The following ABHD2 variants were observed in gnomAD, a reference collection of about 807,000 sequenced individuals.
The protein encoded by ABHD2 is abhydrolase domain containing 2, acylglycerol lipase.
ABHD2 carries 20 observed loss-of-function variants against 48.1 expected under a neutral mutation model. That is an observed-to-expected ratio of 0.42 (90% confidence interval 0.29 to 0.60). The LOEUF (loss-of-function observed/expected upper bound fraction) is 0.60. Ranked by LOEUF, ABHD2 falls within the 20% of genes least tolerant of loss-of-function variation. ABHD2 has a pLI of 0.24. For synonymous variants in ABHD2, 209 were observed against 214.2 expected, an observed-to-expected ratio of 0.98 and a Z score of 0.21; for missense variants, 405 against 550.9, an observed-to-expected ratio of 0.74 and a Z score of 2.65.
At chr15:89,049,278 A>C in the ABHD2 span, among the ~76,000 whole-genome samples, 4 of 152,300 alleles carry the variant, frequency 2.6e-5, no homozygotes, top group Non-Finnish European at 5.9e-5. Context: ...TGGGAGAACC[A>C]CTGCTCTCTT....
the ABHD2 span, among the ~76,000 whole-genome samples, chr15:89,064,206 A>G: frequency 7.0e-6 from 1 of 143,168 alleles, no homozygotes; most frequent in South Asian, 2.2e-4. Flanking sequence ...GTATTTATAT[A>G]TAACATTGTG....
At chr15:89,170,713 A>G (rs2050911830) in intron 5 of ABHD2, among the ~76,000 whole-genome samples, 1 of 152,242 alleles carries the variant, frequency 6.6e-6, no homozygotes, top group Non-Finnish European at 1.5e-5. Flanking sequence ...GGGTATTGGC[A>G]AACTTCATCT....
chr15:89,129,631 G>C (rs530111904), intron 3 of ABHD2, among the ~76,000 whole-genome samples: 2 of 152,194 alleles, frequency 1.3e-5, no homozygotes, highest in Admixed American at 6.5e-5. Flanking sequence ...GCGAGCTGTT[G>C]CCCCCCGGGA....
intron 5 of ABHD2, among the ~76,000 whole-genome samples, chr15:89,161,654 G>C (rs1031604702): frequency 2.0e-5 from 3 of 152,138 alleles, no homozygotes. Flanking sequence ...GCCCACCTCG[G>C]CCTCCCAAAG....
chr15:89,083,587 T>C (rs537745337), upstream of ABHD2, among the ~76,000 whole-genome samples: 25 of 152,322 alleles, frequency 1.6e-4, no homozygotes, highest in African/African-American at 5.3e-4. This position sits in a 1 kb window ranked among gnomAD's most constrained non-coding sequence, Gnocchi z 5.1. Flanking sequence ...ATCAACCAAA[T>C]TGGGACTATT....
chr15:89,089,085 C>T (rs765328326), intron 1 of ABHD2, among the ~76,000 whole-genome samples: 18 of 152,262 alleles, frequency 1.2e-4, no homozygotes, highest in Non-Finnish European at 2.5e-4. Context: ...CCGAGTTCGG[C>T]CCCGCGACCG....
At chr15:89,049,854 A>C in the ABHD2 span, among the ~76,000 whole-genome samples, 1 of 152,208 alleles carries the variant, frequency 6.6e-6, no homozygotes, top group South Asian at 2.1e-4. Flanking sequence ...CATCTTTTGC[A>C]TCGCTCATGC....
intron 1 of ABHD2, among the ~76,000 whole-genome samples, chr15:89,111,219 CTAA>C (rs2049869660): frequency 6.6e-6 from 1 of 151,852 alleles, no homozygotes; most frequent in Non-Finnish European, 1.5e-5. Flanking sequence ...AAGCTTTGTT[CTAA>C]TAATAAAAAT....
intron 7 of ABHD2, among the ~76,000 whole-genome samples, chr15:89,187,511 G>A (rs769089640): frequency 1.3e-5 from 2 of 152,156 alleles, no homozygotes; most frequent in African/African-American, 4.8e-5. Flanking sequence ...AATTCAGTCC[G>A]CTTCCAGGTG....
Position 89,120,394 on chromosome 15 carries a change from T to C in ABHD2, c.194+3873T>C, listed in dbSNP as rs1259139927. On this transcript the variant is annotated intron_variant, in intron 3 of 10. Coordinates refer to ENST00000352732, the MANE Select transcript of ABHD2 (RefSeq NM_152924.5). This position sits in a 1 kb window ranked among gnomAD's most constrained non-coding sequence, Gnocchi z 4.2. The stretch of plus-strand genomic sequence containing the variant: ...AATCTAGATAGTCATACAAATCTTT[T>C]TTTTTCAATAAAAACTTTGATGCAT... 6.6e-6 allele frequency among the ~76,000 whole-genome samples: 1 copy of C among 152,236 alleles called. No homozygotes were observed. The highest frequency in any genetic ancestry group is 2.4e-5 in the African/African-American group (1 of 41,470).
the ABHD2 span, among the ~76,000 whole-genome samples, chr15:89,065,923 C>T: frequency 6.6e-6 from 1 of 152,134 alleles, no homozygotes; most frequent in Non-Finnish European, 1.5e-5. Flanking sequence ...CTGCTATGTT[C>T]CTGGCACTTT....
At chr15:89,171,357 A>C (rs982263700) in intron 5 of ABHD2, among the ~76,000 whole-genome samples, 3 of 152,120 alleles carry the variant, frequency 2.0e-5, no homozygotes, top group Non-Finnish European at 4.4e-5. Context: ...CATTTGAACC[A>C]GTTCCCAGGC....
intron 1 of ABHD2, among the ~76,000 whole-genome samples, chr15:89,099,120 A>G (rs1567066104): frequency 6.6e-6 from 1 of 152,220 alleles, no homozygotes; most frequent in East Asian, 1.9e-4. Flanking sequence ...AAATGAGGTA[A>G]TGTCGGAGGA....
intron 10 of ABHD2, 49 bp downstream of exon 10, chr15:89,193,368 A>AG (rs757467228): frequency 6.7e-7 from 1 of 1,494,850 alleles, no homozygotes; most frequent in Non-Finnish European, 9.3e-7. Flanking sequence ...AAGTTGCCAC[A>AG]GTAAATTCTG....
At chr15:89,052,470 C>T in the ABHD2 span, among the ~76,000 whole-genome samples, 1 of 151,530 alleles carries the variant, frequency 6.6e-6, no homozygotes, top group African/African-American at 2.4e-5. Context: ...CCTCCTAATC[C>T]CTAATTCAAT....
In ABHD2 at chr15:89,168,745, T is replaced by G. The variant is rs2050874228; in HGVS notation, c.539-7067T>G. ...ACATCTGCTCTAGGTCTCAAATAAT[T>G]AGTCTCAAACCTGAGTAATGATAGA... is the stretch of plus-strand genomic sequence containing the variant. On this transcript the variant is annotated intron_variant, in intron 5 of 10. Coordinates refer to ENST00000352732, the MANE Select transcript of ABHD2 (RefSeq NM_152924.5). The surrounding 1 kb of genome is among the most constrained non-coding windows in gnomAD (Gnocchi z 4.8). 6.6e-6 allele frequency among the ~76,000 whole-genome samples: 1 copy of G among 152,188 alleles called. No homozygotes were observed. Among genetic ancestry groups the G allele is most frequent in the African/African-American group, 2.4e-5 (1 of 41,442 alleles).
chr15:89,158,129 A>G (rs2050704287), intron 5 of ABHD2, among the ~76,000 whole-genome samples: 1 of 152,152 alleles, frequency 6.6e-6, no homozygotes, highest in Admixed American at 6.5e-5. Flanking sequence ...GCCAGTGGGA[A>G]CACTTAATGT....
chr15:89,118,739 T>C (rs1336288943), intron 3 of ABHD2, among the ~76,000 whole-genome samples: 1 of 152,210 alleles, frequency 6.6e-6, no homozygotes, highest in Non-Finnish European at 1.5e-5. Context: ...AAAAACATCA[T>C]GTAAGGTTTG....
chr15:89,160,414 C>T (rs183756040), intron 5 of ABHD2, among the ~76,000 whole-genome samples: 1 of 151,950 alleles, frequency 6.6e-6, no homozygotes, highest in African/African-American at 2.4e-5. Context: ...TTATTGTTGC[C>T]TTGCAATATG....
Sources: gnomAD v4.1 joint callset for allele counts (sites outside exome capture counted in the v4.1 genomes callset) on GRCh38, gnomAD v4.1.1 for gene constraint, Gnocchi (gnomAD v3.1) non-coding constraint, MANE v1.5 for transcripts, NCBI Gene and HGNC (gene_info 2026-07-23, HGNC 2026-07-21) for gene names.